CTNNA3: variants seen among roughly 807,000 people sequenced by gnomAD.
CTNNA3 encodes catenin alpha 3.
CTNNA3 carries 76 observed loss-of-function variants against 95.7 expected under a neutral mutation model. The ratio of observed to expected loss-of-function variants is 0.79; its 90% CI spans 0.66 to 0.96. The LOEUF (loss-of-function observed/expected upper bound fraction) is 0.96, where lower values mean the gene tolerates loss of function less well. Ranked by LOEUF, CTNNA3 falls within the 40% of genes least tolerant of loss-of-function variation. CTNNA3 has a pLI of 0.00. For synonymous variants in CTNNA3, 431 were observed against 374.4 expected, an observed-to-expected ratio of 1.15 and a Z score of -1.74; for missense variants, 1,191 against 1,089.8, an observed-to-expected ratio of 1.09 and a Z score of -1.31.
intron 15 of CTNNA3, among the ~76,000 whole-genome samples, chr10:66,059,706 C>T (rs73308198): frequency 0.023 from 3,445 of 152,088 alleles, 133 homozygotes; most frequent in African/African-American, 0.079. Flanking sequence ...ACCTAATATT[C>T]AGCAGATTCT....
chr10:67,192,596 CAAG>C (rs1863167494), intron 6 of CTNNA3, among the ~76,000 whole-genome samples: 1 of 151,610 alleles, frequency 6.6e-6, no homozygotes, highest in Non-Finnish European at 1.5e-5. Context: ...ATTAAAAAGA[CAAG>C]AGATAATATT....
chr10:66,026,999 A>T (rs548987832), intron 15 of CTNNA3, among the ~76,000 whole-genome samples: 1 of 152,128 alleles, frequency 6.6e-6, no homozygotes, highest in Non-Finnish European at 1.5e-5. Context: ...TAAGTCAAAT[A>T]AGTTAAATAG....
chr10:66,576,562 A>G (rs1843009875), intron 10 of CTNNA3, among the ~76,000 whole-genome samples: 1 of 152,022 alleles, frequency 6.6e-6, no homozygotes, highest in Non-Finnish European at 1.5e-5. Context: ...GCTTCCAATT[A>G]TAAGCGAAAA....
rs555469920 is a variant in CTNNA3 at position 67,692,820 on chromosome 10, G to A, written c.-6+3180C>T. On this transcript the variant is annotated intron_variant, in intron 1 of 17. Transcript: ENST00000433211. Reference sequence around the variant, plus strand: ...CTTTCAGGCACAAGCCTCTTATCTCGTTTCATAGATTAGTTAAAAATTGGG... The same window carrying A: ...CTTTCAGGCACAAGCCTCTTATCTCATTTCATAGATTAGTTAAAAATTGGG... 8.7e-5 allele frequency among the ~76,000 whole-genome samples: 13 copies of A among 149,928 alleles called. No homozygotes were observed. In the South Asian group the frequency reaches 1.5e-3, roughly 17 times the overall value.
At chr10:66,824,201 T>G (rs776204486) in intron 7 of CTNNA3, among the ~76,000 whole-genome samples, 39 of 152,072 alleles carry the variant, frequency 2.6e-4, no homozygotes, top group Non-Finnish European at 4.7e-4. Context: ...TATAAGAAAA[T>G]GGCACAGTGG....
At chr10:66,773,304 C>G (rs1427172348) in intron 8 of CTNNA3, among the ~76,000 whole-genome samples, 1 of 152,138 alleles carries the variant, frequency 6.6e-6, no homozygotes, top group Admixed American at 6.5e-5. Context: ...GGGTTTTTGA[C>G]TGTTTTTTAC....
chr10:66,375,588 C>CAA (rs147027212), intron 12 of CTNNA3, among the ~76,000 whole-genome samples: 17,564 of 143,020 alleles, frequency 0.12, 1,441 homozygotes, highest in East Asian at 0.49. Context: ...AGCTGCAATG[C>CAA]CAAAAAAAAA....
Position 66,238,283 on chromosome 10 carries a change from G to A in CTNNA3, c.1884+42187C>T, listed in dbSNP as rs74676943. Among the ~76,000 whole-genome samples the A allele has an allele frequency of 8.5e-3, 1,300 of 152,060 alleles. 20 individuals are homozygous for A. The highest frequency in any genetic ancestry group is 0.03 in the African/African-American group (1,239 of 41,524). On this transcript the variant is annotated intron_variant, in intron 13 of 17. Coordinates refer to ENST00000433211, the MANE Select transcript of CTNNA3 (RefSeq NM_013266.4). ...TAAATAACTCAAGTCTGAAAGAAGGGATCTTTAATGAGCAGGAACCCACTG... is the reference window on the plus strand; with the variant it reads ...TAAATAACTCAAGTCTGAAAGAAGGAATCTTTAATGAGCAGGAACCCACTG...
At chr10:67,480,959 C>CA (rs751450030) in intron 5 of CTNNA3, among the ~76,000 whole-genome samples, 56 of 152,018 alleles carry the variant, frequency 3.7e-4, no homozygotes, top group Non-Finnish European at 6.9e-4. Flanking sequence ...TCAACATACA[C>CA]AAAAAAATAA....
At chr10:67,372,963 C>G (rs1285275695) in intron 5 of CTNNA3, among the ~76,000 whole-genome samples, 1 of 152,120 alleles carries the variant, frequency 6.6e-6, no homozygotes, top group Non-Finnish European at 1.5e-5. Context: ...CCCTAAAAGA[C>G]CTCCTGAAGG....
In CTNNA3 at chr10:66,297,490, C is replaced by G. The variant is rs138927573; in HGVS notation, c.1733-16869G>C. On this transcript the variant is annotated intron_variant, in intron 12 of 17. Coordinates refer to ENST00000433211, the MANE Select transcript of CTNNA3 (RefSeq NM_013266.4). ...TAAAAGGTAAATTTTACATCTGTAC[C>G]AAAAGTACCCTGTCTTTTGCCCTCT... 5.3e-4 allele frequency among the ~76,000 whole-genome samples: 80 copies of G among 152,022 alleles called. 1 individual carries two copies. Among genetic ancestry groups the G allele is most frequent in the African/African-American group, 1.8e-3 (76 of 41,466 alleles).
At chr10:67,163,141 C>T (rs1329466332) in intron 7 of CTNNA3, among the ~76,000 whole-genome samples, 1 of 151,790 alleles carries the variant, frequency 6.6e-6, no homozygotes, top group African/African-American at 2.4e-5. Flanking sequence ...TTATTACTAC[C>T]ATGATACCAA....
At chr10:67,162,656 TAAAG>T (rs1419455375) in intron 7 of CTNNA3, among the ~76,000 whole-genome samples, 1 of 150,952 alleles carries the variant, frequency 6.6e-6, no homozygotes, top group Non-Finnish European at 1.5e-5. Flanking sequence ...AAGAAAATAA[TAAAG>T]AACACAAATA....
At chr10:66,446,378 T>G (rs569068355) in intron 11 of CTNNA3, among the ~76,000 whole-genome samples, 8,454 of 135,998 alleles carry the variant, frequency 0.062, 267 homozygotes, top group East Asian at 0.12. Flanking sequence ...CCAAAAAAGG[T>G]AATTTTAGAC....
chr10:66,898,886 T>G (rs1035536312), intron 7 of CTNNA3, among the ~76,000 whole-genome samples: 5 of 152,182 alleles, frequency 3.3e-5, no homozygotes, highest in Non-Finnish European at 2.9e-5. Context: ...GCTTAAAAGC[T>G]TCTGCACTGC....
At chr10:66,321,215 G>A (rs963230678) in intron 12 of CTNNA3, among the ~76,000 whole-genome samples, 2 of 151,398 alleles carry the variant, frequency 1.3e-5, no homozygotes, top group African/African-American at 2.4e-5. Context: ...ATAAAATATA[G>A]ATTTGAAAAA....
intron 3 of CTNNA3, among the ~76,000 whole-genome samples, chr10:67,539,898 G>T (rs546188275): frequency 6.6e-6 from 1 of 152,170 alleles, no homozygotes; most frequent in Non-Finnish European, 1.5e-5. Context: ...CAAGAAAGTT[G>T]TGCTCAACTG....
chr10:65,960,591 T>C (rs1263093246), intron 17 of CTNNA3, among the ~76,000 whole-genome samples: 1 of 152,184 alleles, frequency 6.6e-6, no homozygotes, highest in African/African-American at 2.4e-5. Context: ...AGCATGATGC[T>C]GAGGTCTGGG....
At chr10:67,007,148 A>C (rs1378082015) in intron 7 of CTNNA3, among the ~76,000 whole-genome samples, 2 of 152,180 alleles carry the variant, frequency 1.3e-5, no homozygotes, top group Non-Finnish European at 2.9e-5. Context: ...TAGGTTCAAG[A>C]GCATTGTCAA....
Sources: gnomAD v4.1 joint callset for allele counts (sites outside exome capture counted in the v4.1 genomes callset) on GRCh38, gnomAD v4.1.1 for gene constraint, MANE v1.5 for transcripts, NCBI Gene and HGNC (gene_info 2026-07-23, HGNC 2026-07-21) for gene names.